Variants in CHST11 observed in about 807,000 individuals in gnomAD.
The protein encoded by CHST11 is carbohydrate sulfotransferase 11.
Under a neutral mutation model 30.4 loss-of-function variants are expected in CHST11, and 9 were observed. The ratio of observed to expected loss-of-function variants is 0.30; its 90% CI spans 0.18 to 0.52. CHST11 has a LOEUF of 0.52. CHST11 is among the 20% of genes least tolerant of loss of function. The probability of loss-of-function intolerance (pLI) is 0.97; values close to 1 mark genes in which losing one functional copy is unlikely to be tolerated. For synonymous variants in CHST11, 152 were observed against 187.8 expected (o/e 0.81, Z 1.56); for missense variants, 348 against 460.6 (o/e 0.76, Z 2.24).
intron 2 of CHST11, among the ~76,000 whole-genome samples, chr12:104,671,781 G>A (rs61938648): frequency 0.034 from 5,143 of 150,912 alleles, 102 homozygotes; most frequent in African/African-American, 0.055. Context: ...TCTCCTCCCC[G>A]CCCCCAGCCC....
chr12:104,737,536 T>G (rs1332037138), intron 2 of CHST11, among the ~76,000 whole-genome samples: 1 of 152,264 alleles, frequency 6.6e-6, no homozygotes, highest in African/African-American at 2.4e-5. Context: ...TTTTCCCTTG[T>G]CTGGCCACCT....
At chr12:104,665,540 G>A (rs962493471) in intron 2 of CHST11, among the ~76,000 whole-genome samples, 1 of 152,070 alleles carries the variant, frequency 6.6e-6, no homozygotes, top group Non-Finnish European at 1.5e-5. Context: ...GGATCATAAT[G>A]ACTACTCACA....
At chr12:104,604,676 G>A (rs928378790) in intron 2 of CHST11, among the ~76,000 whole-genome samples, 1 of 152,180 alleles carries the variant, frequency 6.6e-6, no homozygotes, top group Non-Finnish European at 1.5e-5. Flanking sequence ...TGCTGAGCCC[G>A]GAATGATGTT....
chr12:104,722,516 G>C (rs1345305809), intron 2 of CHST11, among the ~76,000 whole-genome samples: 1 of 152,140 alleles, frequency 6.6e-6, no homozygotes, highest in Non-Finnish European at 1.5e-5. Context: ...AAGTGCCTCT[G>C]TAAAGTGGAT....
chr12:104,544,996 A>AGGGAGGCATGCAGGAAT (rs1404599437), intron 1 of CHST11, among the ~76,000 whole-genome samples: 1 of 152,024 alleles, frequency 6.6e-6, no homozygotes. Context: ...TTCTGAGAAG[A>AGGGAGGCATGCAGGAAT]GGGAGGCATG....
chr12:104,699,740 C>A (rs2039976418), intron 2 of CHST11, among the ~76,000 whole-genome samples: 1 of 152,186 alleles, frequency 6.6e-6, no homozygotes, highest in African/African-American at 2.4e-5. Context: ...AACTGGAGCC[C>A]TTTTGTTCAC....
At chr12:104,577,589 A>T (rs2038698106) in intron 1 of CHST11, among the ~76,000 whole-genome samples, 1 of 73,874 alleles carries the variant, frequency 1.4e-5, no homozygotes, top group Non-Finnish European at 3.0e-5. Context: ...TACGTTTAAC[A>T]CTTCATTTCT....
chr12:104,629,809 A>G (rs577146648), intron 2 of CHST11, among the ~76,000 whole-genome samples: 69 of 152,334 alleles, frequency 4.5e-4, no homozygotes, highest in Admixed American at 7.8e-4. Flanking sequence ...GCAAGAGTTA[A>G]TGGGACTCCA....
intron 1 of CHST11, among the ~76,000 whole-genome samples, chr12:104,563,823 C>T (rs953887176): frequency 1.7e-4 from 26 of 151,278 alleles, no homozygotes; most frequent in Middle Eastern, 3.4e-3. Context: ...TTGTATGGTT[C>T]GGGAGGGGTT....
At chr12:104,606,938 C>T (rs1027044489) in intron 2 of CHST11, among the ~76,000 whole-genome samples, 5 of 151,940 alleles carry the variant, frequency 3.3e-5, no homozygotes, top group African/African-American at 9.7e-5. Flanking sequence ...CATGGTGGCT[C>T]GTGCCTGTAA....
intron 1 of CHST11, among the ~76,000 whole-genome samples, chr12:104,461,033 C>T (rs1392960139): frequency 6.6e-6 from 1 of 152,146 alleles, no homozygotes; most frequent in Non-Finnish European, 1.5e-5. Flanking sequence ...GAAGTAGACC[C>T]ACTTCTCTGG....
rs562488621 is a variant in CHST11, at chr12:104,730,565, G to A, written c.205-26384G>A. On this transcript the variant is annotated intron_variant, in intron 2 of 2. Coordinates refer to ENST00000303694, the MANE Select transcript of CHST11 (RefSeq NM_018413.6). ...ATGAAATGGTGTGTCTCGGATGCAG[G>A]TGGCACAAAGTGTGGCGTGGCTGGC... 1.2e-4 allele frequency among the ~76,000 whole-genome samples: 18 copies of A among 152,304 alleles called. No homozygotes were observed. The East Asian group carries it at 1.5e-3, about 13-fold the overall frequency.
chr12:104,655,259 C>T (rs1342848396), intron 2 of CHST11, among the ~76,000 whole-genome samples: 1 of 152,250 alleles, frequency 6.6e-6, no homozygotes, highest in African/African-American at 2.4e-5. Flanking sequence ...CAGTACAAAT[C>T]CCCCTGACCT....
intron 1 of CHST11, among the ~76,000 whole-genome samples, chr12:104,581,902 A>G (rs2038748583): frequency 6.6e-6 from 1 of 152,202 alleles, no homozygotes; most frequent in South Asian, 2.1e-4. Context: ...GTAGCAAACT[A>G]AAAGAAAAAG....
At chr12:104,472,633 C>T (rs946029793) in intron 1 of CHST11, among the ~76,000 whole-genome samples, 2 of 152,214 alleles carry the variant, frequency 1.3e-5, no homozygotes, top group Admixed American at 1.3e-4. Flanking sequence ...CAACGTTTAG[C>T]TGCAAAGTCT....
chr12:104,520,225 C>T (rs1230082248), intron 1 of CHST11, among the ~76,000 whole-genome samples: 1 of 152,224 alleles, frequency 6.6e-6, no homozygotes, highest in Non-Finnish European at 1.5e-5. Context: ...GCATTAGTTT[C>T]TTTATCTGTC....
intron 1 of CHST11, among the ~76,000 whole-genome samples, chr12:104,527,144 A>G (rs1297007214): frequency 6.6e-6 from 1 of 152,218 alleles, no homozygotes; most frequent in Non-Finnish European, 1.5e-5. Context: ...GGGCCTTTAA[A>G]AAGGTGATTA....
chr12:104,709,606 C>T (rs1324497856), intron 2 of CHST11, among the ~76,000 whole-genome samples: 1 of 152,160 alleles, frequency 6.6e-6, no homozygotes, highest in East Asian at 1.9e-4. Context: ...TGCCGAGAAC[C>T]CAAGACTAGG....
intron 1 of CHST11, among the ~76,000 whole-genome samples, chr12:104,558,307 T>C (rs12582770): frequency 0.016 from 2,447 of 152,236 alleles, 127 homozygotes; most frequent in East Asian, 0.15. Context: ...CCTAGCCCTC[T>C]GCCTGGCTGT....
Sources: allele counts gnomAD v4.1 joint callset (sites outside exome capture counted in the v4.1 genomes callset), GRCh38; gene constraint gnomAD v4.1.1; transcripts MANE v1.5; gene names NCBI Gene and HGNC (gene_info 2026-07-23, HGNC 2026-07-21).